Variants in EEF2 observed in about 807,000 individuals in gnomAD.
EEF2 encodes eukaryotic translation elongation factor 2.
In EEF2, 21 loss-of-function variants were observed where a neutral mutation model predicts 85.3. The observed-to-expected ratio is 0.25, with a 90% CI of 0.17 to 0.35. The LOEUF is 0.35. Ranked by LOEUF, EEF2 falls within the 10% of genes least tolerant of loss-of-function variation. The pLI is 1.00. For missense variants in EEF2, 825 were observed against 1,225.3 expected, an observed-to-expected ratio of 0.67 and a Z score of 4.88; for synonymous variants, 723 against 508.8, an observed-to-expected ratio of 1.42 and a Z score of -5.67.
At chr19:3,984,409 G>A (rs906135059) in intron 1 of EEF2, 59 bp from the exon 2 acceptor site, 21 of 1,567,928 alleles carry the variant, frequency 1.3e-5, no homozygotes, top group Admixed American at 1.7e-5. Context: ...AGCATGGCAC[G>A]GAGCGTTCAG....
chr19:3,982,470 G>C (rs763068323), intron 4 of EEF2, 46 bp from the exon 5 acceptor site: 3 of 1,611,864 alleles, frequency 1.9e-6, no homozygotes, highest in Admixed American at 1.7e-5. Flanking sequence ...CCCCTGCGCA[G>C]AGCCTGAAGC....
chr19:3,982,217 A>C (rs766128523), intron 5 of EEF2, 29 bp downstream of exon 5: 1 of 1,611,524 alleles, frequency 6.2e-7, no homozygotes, highest in Non-Finnish European at 8.5e-7. Flanking sequence ...AGGTGTCAGG[A>C]ATCCCCCACC....
rs1474648821 is a variant in EEF2 at position 3,980,834 on chromosome 19, C to A, written c.1150+7G>T. On this transcript the variant is annotated splice_region_variant and intron_variant, in intron 8 of 14. Coordinates refer to ENST00000309311, the MANE Select transcript of EEF2 (RefSeq NM_001961.4). Reference sequence around the variant, plus strand: ...CATCTCAGGGCCCGGCCACCGGGACCACGTACCCATGGCAGCCTCGTCGTC... The same window carrying A: ...CATCTCAGGGCCCGGCCACCGGGACAACGTACCCATGGCAGCCTCGTCGTC... The A allele has an allele frequency of 1.3e-6, 2 of 1,571,440 alleles. No homozygotes were observed. Among genetic ancestry groups the A allele is most frequent in the African/African-American group, 2.7e-5 (2 of 73,866 alleles).
intron 1 of EEF2, chr19:3,984,905 T>C (rs116005765): frequency 0.013 from 2,224 of 170,584 alleles, 56 homozygotes; most frequent in African/African-American, 0.05. Flanking sequence ...GTGCCTAAGG[T>C]CGACGATTAA....
intron 2 of EEF2, chr19:3,983,923 C>G: frequency 1.7e-6 from 1 of 591,498 alleles, no homozygotes. Context: ...AGTTAAGCCC[C>G]CTCCTCAAGA....
chr19:3,977,993 C>T lies in EEF2; in HGVS notation c.1893G>A (p.Arg631=). ...CGTACTTCTCGGCCAGGTAGCGCGC[C>T]CGCTGCTTGAGCTCCTGACGGGCGG... is the stretch of plus-strand genomic sequence containing the variant. ...EVSARQELKQ[R]ARYLAEKYEW... is the part of the protein sequence containing the mutation. Residue 631 remains arginine, a synonymous_variant, in exon 12 of 15, where the codon CGG becomes CGA. Coordinates refer to ENST00000309311, the MANE Select transcript of EEF2 (RefSeq NM_001961.4). This position sits in a 1 kb window ranked among gnomAD's most constrained non-coding sequence, Gnocchi z 5.4. 6.2e-7 allele frequency: 1 copy of T among 1,612,668 alleles called. No homozygotes were observed. Among genetic ancestry groups the T allele is most frequent in the Non-Finnish European group, 8.5e-7 (1 of 1,179,398 alleles).
chr19:3,978,821 A>AT (rs754660682), intron 11 of EEF2, among the ~76,000 whole-genome samples: 8,948 of 133,134 alleles, frequency 0.067, 739 homozygotes, highest in South Asian at 0.17. Flanking sequence ...AAAAAAAAAA[A>AT]AAAAAAAAAA....
rs374912847 is a variant in EEF2, at chr19:3,985,392, G to A, written c.-12C>T. 4.5e-5 allele frequency: 68 copies of A among 1,512,664 alleles called. No individual in the cohort carries two copies. The highest frequency in any genetic ancestry group is 2.0e-5 in the Non-Finnish European group (23 of 1,127,618). The allele number at this position is 1,512,664 out of a possible 1,614,324, so 93.7% of individuals were successfully genotyped here. Reference sequence around the variant, plus strand: ...GGGTTACTCACCATGGTGGCGGATGGCGGTGGATTCTCCCAGGTAGAACCG... The same window carrying A: ...GGGTTACTCACCATGGTGGCGGATGACGGTGGATTCTCCCAGGTAGAACCG... On this transcript the variant is annotated 5_prime_UTR_variant, in exon 1 of 15. Transcript: ENST00000309311.
intron 10 of EEF2, 120 bp from the exon 11 acceptor site, chr19:3,979,556 A>T: frequency 1.0e-6 from 1 of 995,792 alleles, no homozygotes; most frequent in Non-Finnish European, 1.5e-6. Flanking sequence ...AGGTGCTGGG[A>T]AACTGGGACC....
intron 2 of EEF2, 30 bp downstream of exon 2, chr19:3,984,106 G>GC (rs774269456): frequency 6.2e-7 from 1 of 1,605,784 alleles, no homozygotes; most frequent in African/African-American, 1.3e-5. Context: ...GCACCTCCCT[G>GC]CCTGGGTACA....
rs58074233 is a variant in EEF2 at position 3,978,803 on chromosome 19, CAAAAAAAAAAAAAA to C, written c.1713+512_1713+525del. ...AAGCAACAGAGCAAGACTCTTGTCT[CAAAAAAAAAAAAAA>C]AAAAAAAAAAAAAATAGCCCTGGGC... On this transcript the variant is annotated intron_variant, in intron 11 of 14. Transcript: ENST00000309311. Among the ~76,000 whole-genome samples the C allele has an allele frequency of 1.4e-3, 53 of 36,830 alleles. 1 individual carries two copies. The highest frequency in any genetic ancestry group is 3.0e-3 in the South Asian group (2 of 670). 24.2% of individuals were successfully genotyped at this position (36,830 alleles called of 152,430 possible).
intron 2 of EEF2, 90 bp downstream of exon 2, chr19:3,984,046 C>T: frequency 7.1e-7 from 1 of 1,405,924 alleles, no homozygotes; most frequent in African/African-American, 1.4e-5. Flanking sequence ...GAGACGTTGC[C>T]AAGTCTCTCC....
At chr19:3,985,267 C>T in intron 1 of EEF2, 111 bp downstream of exon 1, 5 of 1,231,390 alleles carry the variant, frequency 4.1e-6, no homozygotes, top group Non-Finnish European at 5.3e-6. Flanking sequence ...GGCCCCGCCG[C>T]CGCTACGTCT....
chr19:3,978,803 C>CCAAAA (rs1340787575), intron 11 of EEF2, among the ~76,000 whole-genome samples: 4 of 36,828 alleles, frequency 1.1e-4, no homozygotes. Flanking sequence ...ACTCTTGTCT[C>CCAAAA]AAAAAAAAAA....
Position 3,985,431 on chromosome 19 carries a change from G to C in EEF2, c.-51C>G, listed in dbSNP as rs754780163. ...CAGGTAGAACCGAAAGAAGCGAGTC[G>C]CGCCGAGGATGGCGGCGACGACGGC... On this transcript the variant is annotated 5_prime_UTR_variant, in exon 1 of 15. Coordinates refer to ENST00000309311, the MANE Select transcript of EEF2 (RefSeq NM_001961.4). 4 of 1,463,392 alleles carry C rather than the reference G, an allele frequency of 2.7e-6. No individual in the cohort carries two copies. Among genetic ancestry groups the C allele is most frequent in the South Asian group, 1.4e-5 (1 of 72,808 alleles). The allele number at this position is 1,463,392 out of a possible 1,614,324, so 90.7% of individuals were successfully genotyped here. A position where few individuals can be genotyped will look rare whatever the true frequency, so the allele number is the denominator to read the frequency against.
At chr19:3,981,000 G>A (rs749116313) in intron 7 of EEF2, 21 bp from the exon 8 acceptor site, 42 of 1,561,102 alleles carry the variant, frequency 2.7e-5, no homozygotes, top group Non-Finnish European at 3.5e-5. Flanking sequence ...AGAGAGCGGT[G>A]CATGAGACAC....
rs778593794 is a variant in EEF2, at chr19:3,979,350, G to A, written c.1692C>T (p.Asp564=). 13 of 1,614,018 alleles carry A rather than the reference G, an allele frequency of 8.1e-6. No individual in the cohort carries two copies. The highest frequency in any genetic ancestry group is 2.2e-5 in the South Asian group (2 of 91,088). Residue 564 remains aspartate, a synonymous_variant, in exon 11 of 15, where the codon GAC becomes GAT. Transcript: ENST00000309311. ...LEICLKDLEE[D]HACIPIKKSD... ...TCACCTTGATGGGGATGCAGGCGTG[G>A]TCCTCCTCCAGGTCCTTCAGGCAGA...
rs534022968 is a variant in EEF2 at position 3,982,656 on chromosome 19, A to G, written c.612+151T>C. ...TGCCCAAAGATCAAGGGCTGGGTCA[A>G]GTCGGATGAAAACATTCCAGCCCCC... is the stretch of plus-strand genomic sequence containing the variant. On this transcript the variant is annotated intron_variant, in intron 4 of 14. Coordinates refer to ENST00000309311, the MANE Select transcript of EEF2 (RefSeq NM_001961.4). 11 of 1,115,748 alleles carry G rather than the reference A, an allele frequency of 9.9e-6. No homozygotes were observed. The African/African-American group carries it at 1.5e-4, about 16-fold the overall frequency. The allele number at this position is 1,115,748 out of a possible 1,614,324, so 69.1% of individuals were successfully genotyped here. A position where few individuals can be genotyped will look rare whatever the true frequency, so the allele number is the denominator to read the frequency against.
At chr19:3,985,294 G>T (rs995024488) in intron 1 of EEF2, 84 bp downstream of exon 1, 6 of 1,313,836 alleles carry the variant, frequency 4.6e-6, no homozygotes, top group Non-Finnish European at 5.9e-6. Context: ...GGCACGGGGG[G>T]CCCCAGCGTC....
Sources: gnomAD v4.1 joint callset for allele counts (sites outside exome capture counted in the v4.1 genomes callset) on GRCh38, gnomAD v4.1.1 for gene constraint, Gnocchi (gnomAD v3.1) non-coding constraint, MANE v1.5 for transcripts, NCBI Gene and HGNC (gene_info 2026-07-23, HGNC 2026-07-21) for gene names.